Variants in NPAT observed in about 807,000 individuals in gnomAD.
NPAT encodes the protein protein NPAT.
In NPAT, 52 loss-of-function variants were observed where a neutral mutation model predicts 130.7. The ratio of observed to expected loss-of-function variants is 0.40; its 90% CI spans 0.32 to 0.50. The LOEUF is 0.50. Among genes scored for constraint, NPAT ranks in the 20% least tolerant of loss-of-function variants. The probability of loss-of-function intolerance (pLI) is 0.68; values close to 1 mark genes in which losing one functional copy is unlikely to be tolerated. For synonymous variants in NPAT, 580 were observed against 584.8 expected, an observed-to-expected ratio of 0.99 and a Z score of 0.12; for missense variants, 1,687 against 1,662.6, an observed-to-expected ratio of 1.01 and a Z score of -0.26.
intron 15 of NPAT, among the ~76,000 whole-genome samples, chr11:108,166,757 G>A (rs975708193): frequency 6.6e-6 from 1 of 152,034 alleles, no homozygotes; most frequent in Non-Finnish European, 1.5e-5. Flanking sequence ...GGCTAGTCAT[G>A]GACTTTTATT....
chr11:108,160,429 A>C (rs766895670), intron 17 of NPAT, among the ~76,000 whole-genome samples: 7 of 152,182 alleles, frequency 4.6e-5, no homozygotes, highest in African/African-American at 7.2e-5. Flanking sequence ...GAAAAAAAAA[A>C]CTGAACATCT....
At chr11:108,208,730 C>G (rs1306419706) in intron 1 of NPAT, 1 of 264,022 alleles carries the variant, frequency 3.8e-6, no homozygotes, top group Non-Finnish European at 7.6e-6. Flanking sequence ...CTATACCACA[C>G]TTTCAGTAAT....
At chr11:108,213,810 T>C (rs1451772903) in intron 1 of NPAT, among the ~76,000 whole-genome samples, 1 of 152,200 alleles carries the variant, frequency 6.6e-6, no homozygotes, top group African/African-American at 2.4e-5. Flanking sequence ...ACACAGAAAT[T>C]AGTGGAACAA....
Position 108,172,608 on chromosome 11 carries a change from T to A in NPAT, c.2376A>T (p.Ser792=), listed in dbSNP as rs552591443. Residue 792 remains serine, a synonymous_variant, in exon 13 of 18, where the codon TCA becomes TCT. Coordinates refer to ENST00000278612, the MANE Select transcript of NPAT (RefSeq NM_002519.3). ...KNAELVKCLS[S]EETVGAVVYA... ...ATACAACAGCACCTACAGTTTCTTC[T>A]GAAGATAGGCATTTAACTAGTTCTG... The A allele has an allele frequency of 9.9e-6, 16 of 1,614,104 alleles. No individual in the cohort carries two copies. The highest frequency in any genetic ancestry group is 1.2e-5 in the Non-Finnish European group (14 of 1,180,040).
chr11:108,207,605 C>A (rs1040053980), intron 1 of NPAT, among the ~76,000 whole-genome samples: 11 of 152,380 alleles, frequency 7.2e-5, no homozygotes, highest in African/African-American at 2.4e-4. Flanking sequence ...ACACACCCAG[C>A]CAGGTCCCGA....
chr11:108,188,874 T>C (rs1483346186), intron 6 of NPAT, among the ~76,000 whole-genome samples: 1 of 152,176 alleles, frequency 6.6e-6, no homozygotes, highest in Non-Finnish European at 1.5e-5. Context: ...AATTGAGAAT[T>C]AGAGAGTTGA....
At chr11:108,159,185 T>A (rs1388038148) in intron 17 of NPAT, among the ~76,000 whole-genome samples, 166 bp from the exon 18 acceptor site, 4 of 152,162 alleles carry the variant, frequency 2.6e-5, no homozygotes, top group Non-Finnish European at 4.4e-5. Context: ...ACAAGTTTTA[T>A]AAACCCAAAG....
At position 108,169,800 on chromosome 11, in the gene NPAT, A is replaced by G. The variant is rs2077933300; in HGVS notation, c.2954T>C (p.Phe985Ser). ...CTTCTGAGATTTTGGAGGGACGGGG[A>G]ATTGAGGGATACTTCTATTGCATAC... ...APVCNRSIPQ[F>S]PVPPKSQKAQ... The change falls in exon 15 of 18, where the codon TTC becomes TCC. Residue 985 changes from phenylalanine to serine, a missense_variant. By Grantham distance (155) the Phe-to-Ser change is radical. This residue lies in a region of NPAT where 1,379 missense variants were observed against 1,346.6 expected (regional missense o/e 1.02). Transcript: ENST00000278612. 6.2e-7 allele frequency: 1 copy of G among 1,613,886 alleles called. No homozygotes were observed. The highest frequency in any genetic ancestry group is 1.1e-5 in the South Asian group (1 of 91,078).
chr11:108,213,058 G>A (rs536231835), intron 1 of NPAT, among the ~76,000 whole-genome samples: 1 of 151,746 alleles, frequency 6.6e-6, no homozygotes, highest in East Asian at 1.9e-4. Flanking sequence ...CAAATCACCT[G>A]AGGTCGGGAG....
At chr11:108,202,653 C>T (rs2078285019) in intron 1 of NPAT, among the ~76,000 whole-genome samples, 1 of 152,168 alleles carries the variant, frequency 6.6e-6, no homozygotes, top group African/African-American at 2.4e-5. Flanking sequence ...TCAAAAAGGT[C>T]ACTAATGCTT....
chr11:108,190,857 G>T (rs1165566182), intron 4 of NPAT, among the ~76,000 whole-genome samples: 1 of 152,184 alleles, frequency 6.6e-6, no homozygotes, highest in Non-Finnish European at 1.5e-5. Context: ...AGGATCACTT[G>T]AGGCCGAGAG....
chr11:108,193,585 C>T (rs1316328860), intron 3 of NPAT, among the ~76,000 whole-genome samples: 1 of 152,056 alleles, frequency 6.6e-6, no homozygotes, highest in Non-Finnish European at 1.5e-5. Context: ...ATTAGCCGGG[C>T]ATGGTGGCGC....
intron 15 of NPAT, among the ~76,000 whole-genome samples, chr11:108,164,925 T>A (rs2134824736): frequency 6.6e-6 from 1 of 152,168 alleles, no homozygotes; most frequent in African/African-American, 2.4e-5. Flanking sequence ...GCAGAAGAAT[T>A]GCTTGAACCC....
chr11:108,193,735 C>A (rs1565321158), intron 3 of NPAT, among the ~76,000 whole-genome samples: 2 of 150,764 alleles, frequency 1.3e-5, no homozygotes, highest in South Asian at 2.1e-4. Context: ...CAAAAAAAAC[C>A]AAAAAAACAA....
At chr11:108,166,174 AAG>A in intron 15 of NPAT, among the ~76,000 whole-genome samples, 1 of 151,910 alleles carries the variant, frequency 6.6e-6, no homozygotes, top group Admixed American at 6.6e-5. Flanking sequence ...TGGGGGGATT[AAG>A]AGGTCAGGAG....
intron 7 of NPAT, among the ~76,000 whole-genome samples, chr11:108,186,969 A>G (rs998534380): frequency 1.3e-5 from 2 of 152,218 alleles, no homozygotes; most frequent in Non-Finnish European, 2.9e-5. Flanking sequence ...TGAATTCAAA[A>G]AAATGAGTTT....
intron 13 of NPAT, chr11:108,170,325 A>G (rs775672674): frequency 2.8e-5 from 11 of 391,930 alleles, no homozygotes; most frequent in Non-Finnish European, 4.3e-5. Flanking sequence ...GATCAAGCAT[A>G]AGACTCTACA....
chr11:108,215,852 T>A (rs189705740), intron 1 of NPAT, among the ~76,000 whole-genome samples: 3 of 152,320 alleles, frequency 2.0e-5, no homozygotes, highest in East Asian at 3.9e-4. Context: ...GAGAAAGCAT[T>A]TGGATATCTG....
At chr11:108,167,877 G>C (rs1419376510) in intron 15 of NPAT, among the ~76,000 whole-genome samples, 1 of 151,956 alleles carries the variant, frequency 6.6e-6, no homozygotes, top group Non-Finnish European at 1.5e-5. Flanking sequence ...TCAACAGACA[G>C]GAAATTTAAT....
Sources: gnomAD v4.1 joint callset for allele counts (sites outside exome capture counted in the v4.1 genomes callset) on GRCh38, gnomAD v4.1.1 for gene constraint, gnomAD v4.1.1 regional missense constraint, MANE v1.5 for transcripts, NCBI Gene and HGNC (gene_info 2026-07-23, HGNC 2026-07-21) for gene names.